Variants in GPHN observed in about 807,000 individuals in gnomAD.
The protein encoded by GPHN is gephyrin.
GPHN carries 17 observed loss-of-function variants against 95.5 expected under a neutral mutation model. That is an observed-to-expected ratio of 0.18 (90% confidence interval 0.12 to 0.27). GPHN has a LOEUF of 0.27. GPHN is among the 10% of genes least tolerant of loss of function. The pLI is 1.00. For missense variants in GPHN, 660 were observed against 978.1 expected (o/e 0.67, Z 4.34); for synonymous variants, 320 against 322.5 (o/e 0.99, Z 0.08).
chr14:67,686,803 C>G, the GPHN span, among the ~76,000 whole-genome samples: 1 of 152,118 alleles, frequency 6.6e-6, no homozygotes, highest in East Asian at 1.9e-4. Context: ...TATACATACA[C>G]TGCCTATTAA....
At chr14:66,792,983 G>T (rs202085355) in intron 3 of GPHN, among the ~76,000 whole-genome samples, 1 of 152,094 alleles carries the variant, frequency 6.6e-6, no homozygotes, top group South Asian at 2.1e-4. Context: ...GGCACAGATC[G>T]CTCATGCTAT....
chr14:66,855,843 G>A (rs1416147583), intron 4 of GPHN, among the ~76,000 whole-genome samples: 1 of 151,916 alleles, frequency 6.6e-6, no homozygotes, highest in Non-Finnish European at 1.5e-5. Context: ...ATGAATACAT[G>A]GAATTTAAAA....
rs565205810 is a variant in GPHN at position 67,168,926 on chromosome 14, C to T, written c.1976-7C>T. ...GTATTATAAATAACTGCTTGGTTGA[C>T]TTTCAGGGAATCCTGTATCGGCTGT... is the stretch of plus-strand genomic sequence containing the variant. On this transcript the variant is annotated splice_polypyrimidine_tract_variant and splice_region_variant and intron_variant, in intron 20 of 22. Coordinates refer to ENST00000478722, the MANE Select transcript of GPHN (RefSeq NM_020806.5). The T allele has an allele frequency of 1.6e-5, 26 of 1,582,988 alleles. 1 individual carries two copies. In the South Asian group the frequency reaches 2.9e-4, roughly 17 times the overall value.
At chr14:66,995,865 C>T (rs947822790) in intron 9 of GPHN, among the ~76,000 whole-genome samples, 3 of 152,166 alleles carry the variant, frequency 2.0e-5, no homozygotes, top group Admixed American at 1.3e-4. Context: ...CAGTGCAGTA[C>T]CGTAAGAAAA....
At chr14:66,584,373 C>G (rs1323553324) in intron 1 of GPHN, among the ~76,000 whole-genome samples, 1 of 152,078 alleles carries the variant, frequency 6.6e-6, no homozygotes, top group East Asian at 1.9e-4. Context: ...ATTGAATACC[C>G]TTTATTTCCT....
intron 1 of GPHN, among the ~76,000 whole-genome samples, chr14:66,579,203 T>C (rs1470376504): frequency 2.0e-5 from 3 of 151,728 alleles, no homozygotes; most frequent in African/African-American, 7.2e-5. Context: ...CTACAGTAGA[T>C]ACATAGGAGA....
intron 9 of GPHN, among the ~76,000 whole-genome samples, chr14:67,002,309 C>CTTTTTTTTT (rs1177817698): frequency 1.5e-4 from 9 of 58,748 alleles, no homozygotes; most frequent in African/African-American, 2.0e-4. Context: ...CTTTGTGTTG[C>CTTTTTTTTT]TTTTTTTTTT....
chr14:66,778,134 T>G (rs1438282226), intron 3 of GPHN, among the ~76,000 whole-genome samples: 1 of 152,136 alleles, frequency 6.6e-6, no homozygotes, highest in Non-Finnish European at 1.5e-5. Flanking sequence ...AGTCTCAGGA[T>G]ACAAAATCAA....
chr14:67,310,539 T>C, the GPHN span, among the ~76,000 whole-genome samples: 1 of 152,198 alleles, frequency 6.6e-6, no homozygotes, highest in East Asian at 1.9e-4. Context: ...ATGCTAGTTA[T>C]ACAGGTCTGT....
intron 1 of GPHN, among the ~76,000 whole-genome samples, chr14:66,584,814 A>T (rs1310356735): frequency 6.6e-6 from 1 of 152,118 alleles, no homozygotes; most frequent in African/African-American, 2.4e-5. Context: ...GGATTTTTGC[A>T]TCAATGTTCA....
At chr14:67,051,113 T>C (rs79474576) in intron 10 of GPHN, among the ~76,000 whole-genome samples, 1,832 of 152,332 alleles carry the variant, frequency 0.012, 19 homozygotes, top group Non-Finnish European at 0.018. Context: ...CTGCCATCAC[T>C]GCAGCTGCCT....
intron 10 of GPHN, among the ~76,000 whole-genome samples, chr14:67,028,995 C>G (rs143012848): frequency 6.6e-6 from 1 of 152,150 alleles, no homozygotes; most frequent in Non-Finnish European, 1.5e-5. Flanking sequence ...TTATAGTTCT[C>G]GTTCTTATGT....
At chr14:67,362,101 A>G in the GPHN span, among the ~76,000 whole-genome samples, 1 of 145,160 alleles carries the variant, frequency 6.9e-6, no homozygotes, top group Admixed American at 7.2e-5. Context: ...AGCTCACTGT[A>G]GCCTCTGCCC....
the GPHN span, among the ~76,000 whole-genome samples, chr14:67,245,985 A>G: frequency 3.3e-5 from 5 of 152,144 alleles, no homozygotes; most frequent in East Asian, 3.9e-4. Context: ...GTCCAGTTCC[A>G]TGACCATTTG....
At chr14:66,747,304 G>T (rs1341393595) in intron 2 of GPHN, among the ~76,000 whole-genome samples, 1 of 151,964 alleles carries the variant, frequency 6.6e-6, no homozygotes, top group Non-Finnish European at 1.5e-5. Flanking sequence ...CAATTGTCAG[G>T]CCATTTATTT....
the GPHN span, chr14:67,580,805 G>C: frequency 3.2e-6 from 2 of 619,812 alleles, no homozygotes; most frequent in Non-Finnish European, 5.8e-6. Flanking sequence ...AAGCTCCGCA[G>C]GTCAGCCTCC....
At chr14:66,594,020 C>T (rs758574983) in intron 1 of GPHN, among the ~76,000 whole-genome samples, 38 of 152,074 alleles carry the variant, frequency 2.5e-4, no homozygotes, top group Non-Finnish European at 4.1e-4. Context: ...CATTTCTATA[C>T]AGTAACATCA....
At chr14:66,679,616 C>G (rs912795863) in intron 1 of GPHN, among the ~76,000 whole-genome samples, 4 of 152,102 alleles carry the variant, frequency 2.6e-5, no homozygotes, top group African/African-American at 7.2e-5. Context: ...CTCTTATGCT[C>G]TGTTCATTTC....
chr14:66,953,359 G>A (rs79848025), intron 8 of GPHN, among the ~76,000 whole-genome samples: 1 of 151,784 alleles, frequency 6.6e-6, no homozygotes, highest in Non-Finnish European at 1.5e-5. Flanking sequence ...TTTTTCTGTT[G>A]TTGCTTGTAC....
Sources: allele counts gnomAD v4.1 joint callset (sites outside exome capture counted in the v4.1 genomes callset), GRCh38; gene constraint gnomAD v4.1.1; transcripts MANE v1.5; gene names NCBI Gene and HGNC (gene_info 2026-07-23, HGNC 2026-07-21).